CERS6: variants seen among roughly 807,000 people sequenced by gnomAD.
The protein encoded by CERS6 is LAG1 homolog, ceramide synthase 6.
Under a neutral mutation model 56.8 loss-of-function variants are expected in CERS6, and 26 were observed. The ratio of observed to expected loss-of-function variants is 0.46; its 90% CI spans 0.34 to 0.63. The LOEUF (loss-of-function observed/expected upper bound fraction) is 0.63, where lower values mean the gene tolerates loss of function less well. Ranked by LOEUF, CERS6 falls within the 30% of genes least tolerant of loss-of-function variation. CERS6 has a pLI of 0.01. For synonymous variants in CERS6, 164 were observed against 173.3 expected (o/e 0.95, Z 0.42); for missense variants, 415 against 467.5 (o/e 0.89, Z 1.04).
chr2:168,590,691 A>G (rs763187268), intron 3 of CERS6, among the ~76,000 whole-genome samples: 3 of 152,216 alleles, frequency 2.0e-5, no homozygotes, highest in South Asian at 2.1e-4. Flanking sequence ...GTAAAGCACT[A>G]CACTTAAATG....
chr2:168,565,470 A>C (rs1695868462), intron 3 of CERS6, among the ~76,000 whole-genome samples: 1 of 152,212 alleles, frequency 6.6e-6, no homozygotes, highest in South Asian at 2.1e-4. Flanking sequence ...ACGAGAACAC[A>C]AATTTGGAGC....
At chr2:168,651,597 A>G (rs969110125) in intron 4 of CERS6, among the ~76,000 whole-genome samples, 1 of 152,182 alleles carries the variant, frequency 6.6e-6, no homozygotes, top group African/African-American at 2.4e-5. Context: ...AGTAAGGCAC[A>G]TTTTACATGG....
intron 1 of CERS6, among the ~76,000 whole-genome samples, chr2:168,457,876 GA>G (rs1411735215): frequency 6.6e-6 from 1 of 152,098 alleles, no homozygotes; most frequent in Non-Finnish European, 1.5e-5. Flanking sequence ...TTTTTCACCG[GA>G]CAGTATTGTT....
intron 1 of CERS6, among the ~76,000 whole-genome samples, chr2:168,527,088 A>G (rs1695084908): frequency 1.3e-5 from 2 of 152,212 alleles, no homozygotes; most frequent in Admixed American, 1.3e-4. Flanking sequence ...GTTTCTGTCA[A>G]CAGAAGGTTC....
chr2:168,713,928 A>G (rs543216629), intron 6 of CERS6, among the ~76,000 whole-genome samples: 13 of 152,134 alleles, frequency 8.5e-5, no homozygotes, highest in African/African-American at 2.2e-4. Context: ...ACAGAAAACA[A>G]TCACCCCCGT....
chr2:168,462,434 A>AC (rs1462342613), intron 1 of CERS6, among the ~76,000 whole-genome samples: 1 of 152,100 alleles, frequency 6.6e-6, no homozygotes, highest in East Asian at 1.9e-4. Flanking sequence ...CCCCCTGGCC[A>AC]CCTTTTAAAA....
chr2:168,741,175 C>G (rs1334034887), intron 8 of CERS6, among the ~76,000 whole-genome samples: 1 of 152,136 alleles, frequency 6.6e-6, no homozygotes, highest in Non-Finnish European at 1.5e-5. Flanking sequence ...TCTACTCACT[C>G]TAACCTCTTA....
At chr2:168,482,668 C>T (rs1034746816) in intron 1 of CERS6, among the ~76,000 whole-genome samples, 6 of 152,244 alleles carry the variant, frequency 3.9e-5, no homozygotes, top group African/African-American at 1.4e-4. Context: ...AACTGGGGGA[C>T]TCACATTATC....
chr2:168,492,069 G>A (rs144826484), intron 1 of CERS6, among the ~76,000 whole-genome samples: 6,653 of 152,174 alleles, frequency 0.044, 282 homozygotes, highest in African/African-American at 0.11. Flanking sequence ...GAACAGTGCC[G>A]CAGTAAACAT....
chr2:168,721,686 A>G (rs909772395), intron 8 of CERS6, among the ~76,000 whole-genome samples: 6 of 150,328 alleles, frequency 4.0e-5, no homozygotes, highest in Non-Finnish European at 5.9e-5. Context: ...TGATGCCATC[A>G]TAGCTCATTG....
Position 168,670,981 on chromosome 2 carries a change from A to G in CERS6, c.466-20053A>G, listed in dbSNP as rs60548660. On this transcript the variant is annotated intron_variant, in intron 4 of 9. Coordinates refer to ENST00000305747, the MANE Select transcript of CERS6 (RefSeq NM_203463.3). ...GATACATGCTTCCCCCCCCCCCCCCAGACGGAAGCTTGCTCTGTTGCCAGG... is the reference window on the plus strand; with the variant it reads ...GATACATGCTTCCCCCCCCCCCCCCGGACGGAAGCTTGCTCTGTTGCCAGG... Among the ~76,000 whole-genome samples, 95 of 16,024 alleles carry G rather than the reference A, an allele frequency of 5.9e-3. 1 individual carries two copies. Among genetic ancestry groups the G allele is most frequent in the Admixed American group, 0.015 (14 of 936 alleles). The allele number at this position is 16,024 out of a possible 152,430, so 10.5% of individuals were successfully genotyped here. A position where few individuals can be genotyped will look rare whatever the true frequency, so the allele number is the denominator to read the frequency against.
Position 168,503,158 on chromosome 2 carries a change from G to T in CERS6, c.171-44438G>T, listed in dbSNP as rs368136250. 2.0e-5 allele frequency among the ~76,000 whole-genome samples: 3 copies of T among 151,996 alleles called. No homozygotes were observed. The East Asian group carries it at 5.8e-4, about 29-fold the overall frequency. ...TCCTTTGCTCTTGCTTCTCTCTCTC[G>T]CCTGCCACCATGTAAGATGTGCCTA... On this transcript the variant is annotated intron_variant, in intron 1 of 9. Coordinates refer to ENST00000305747, the MANE Select transcript of CERS6 (RefSeq NM_203463.3).
At chr2:168,668,472 A>G (rs1685823676) in intron 4 of CERS6, among the ~76,000 whole-genome samples, 1 of 138,970 alleles carries the variant, frequency 7.2e-6, no homozygotes. Flanking sequence ...CTGGAGACAG[A>G]GTCTCATTCT....
chr2:168,509,230 A>G (rs1027248463), intron 1 of CERS6, among the ~76,000 whole-genome samples: 2 of 152,210 alleles, frequency 1.3e-5, no homozygotes, highest in Non-Finnish European at 2.9e-5. Flanking sequence ...GTATCACCCA[A>G]AATGATGTAT....
chr2:168,745,431 C>T (rs1031637893), intron 8 of CERS6, among the ~76,000 whole-genome samples: 8 of 152,000 alleles, frequency 5.3e-5, no homozygotes, highest in African/African-American at 1.2e-4. Context: ...TTAGTAGAGA[C>T]GGGGTTTCAC....
chr2:168,760,146 C>T (rs1684530769), intron 8 of CERS6, among the ~76,000 whole-genome samples: 1 of 152,072 alleles, frequency 6.6e-6, no homozygotes. Flanking sequence ...AGTCAGGATT[C>T]CCTAGAGAGA....
intron 8 of CERS6, among the ~76,000 whole-genome samples, chr2:168,754,119 G>A (rs1196949975): frequency 6.6e-6 from 1 of 152,158 alleles, no homozygotes; most frequent in Non-Finnish European, 1.5e-5. Context: ...CCCGTGTTAA[G>A]TATCAGAGTC....
At chr2:168,701,934 G>A (rs1192323886) in intron 6 of CERS6, among the ~76,000 whole-genome samples, 2 of 152,074 alleles carry the variant, frequency 1.3e-5, no homozygotes, top group Non-Finnish European at 2.9e-5. Flanking sequence ...ATCATCTCTA[G>A]ATTACATAAT....
intron 4 of CERS6, among the ~76,000 whole-genome samples, chr2:168,633,092 A>T (rs1684784562): frequency 6.6e-6 from 1 of 152,052 alleles, no homozygotes; most frequent in African/African-American, 2.4e-5. Flanking sequence ...TTTCCTTGGA[A>T]ATTATTTTTT....
Sources: gnomAD v4.1 joint callset for allele counts (sites outside exome capture counted in the v4.1 genomes callset) on GRCh38, gnomAD v4.1.1 for gene constraint, MANE v1.5 for transcripts, NCBI Gene and HGNC (gene_info 2026-07-23, HGNC 2026-07-21) for gene names.